SLC30A8: variants seen among roughly 807,000 people sequenced by gnomAD.
SLC30A8 encodes the protein solute carrier family 30 member 8, also known as proton-coupled zinc antiporter SLC30A8.
Under a neutral mutation model 36.9 loss-of-function variants are expected in SLC30A8, and 27 were observed. The ratio of observed to expected loss-of-function variants is 0.73; its 90% confidence interval spans 0.54 to 1.01. The LOEUF is 1.01. Among genes scored for constraint, SLC30A8 ranks in the 50% least tolerant of loss-of-function variants. SLC30A8 has a pLI of 0.00. For synonymous variants in SLC30A8, 164 were observed against 172.4 expected, an observed-to-expected ratio of 0.95 and a Z score of 0.38; for missense variants, 439 against 452.0, an observed-to-expected ratio of 0.97 and a Z score of 0.26.
chr8:117,077,044 G>A (rs2130806534), intron 2 of SLC30A8, among the ~76,000 whole-genome samples: 1 of 152,314 alleles, frequency 6.6e-6, no homozygotes. Context: ...CTACTGGAAT[G>A]TTTTTCAGTT....
chr8:116,961,920 C>T (rs996506587), intron 1 of SLC30A8, among the ~76,000 whole-genome samples: 4 of 151,872 alleles, frequency 2.6e-5, no homozygotes, highest in Non-Finnish European at 2.9e-5. Flanking sequence ...ATGACCTAAA[C>T]GCCTTCTAGG....
Position 117,015,536 on chromosome 8 carries a change from A to AC in SLC30A8, c.-265-23671dup, listed in dbSNP as rs35601596. ...AGTAATAAATTAGATGCTATTATGC[A>AC]CCCCCCCCCCCCAAAAAAAAGAGGG... On this transcript the variant is annotated intron_variant, in intron 1 of 10. Coordinates refer to the SLC30A8 transcript ENST00000427715. Among the ~76,000 whole-genome samples the AC allele has an allele frequency of 8.5e-3, 1,203 of 141,666 alleles. 7 individuals carry two copies. Among genetic ancestry groups the AC allele is most frequent in the East Asian group, 0.028 (139 of 4,956 alleles). The allele number at this position is 141,666 out of a possible 152,430, so 92.9% of individuals were successfully genotyped here. A position where few individuals can be genotyped will look rare whatever the true frequency, so the allele number is the denominator to read the frequency against.
At chr8:117,018,809 G>A (rs1443722961) in intron 1 of SLC30A8, among the ~76,000 whole-genome samples, 1 of 151,954 alleles carries the variant, frequency 6.6e-6, no homozygotes, top group Non-Finnish European at 1.5e-5. Context: ...ACAGGGGCCT[G>A]CCACCACGCC....
chr8:117,079,276 C>G (rs1818588146), intron 2 of SLC30A8, among the ~76,000 whole-genome samples: 1 of 152,116 alleles, frequency 6.6e-6, no homozygotes, highest in African/African-American at 2.4e-5. Flanking sequence ...CCCTAAAGTG[C>G]TGGGATTACA....
At chr8:117,051,753 C>T (rs1209529963) in intron 2 of SLC30A8, among the ~76,000 whole-genome samples, 1 of 151,876 alleles carries the variant, frequency 6.6e-6, no homozygotes, top group African/African-American at 2.4e-5. Context: ...GCGGAGCTTG[C>T]AGTGAGCCTA....
intron 6 of SLC30A8, 72 bp downstream of exon 6, chr8:117,163,602 A>G (rs898392264): frequency 6.4e-6 from 7 of 1,097,738 alleles, no homozygotes; most frequent in Non-Finnish European, 9.2e-6. Context: ...GGGAATGGCT[A>G]CAAGGCATGC....
chr8:117,142,736 C>T lies in SLC30A8; in HGVS notation c.72-4218C>T, dbSNP rs1344766861. Among the ~76,000 whole-genome samples the T allele has an allele frequency of 4.0e-5, 6 of 151,348 alleles. No individual in the cohort carries two copies. In the South Asian group the frequency reaches 1.0e-3, roughly 26 times the overall value. On this transcript the variant is annotated intron_variant, in intron 1 of 7. Transcript: ENST00000456015. Reference sequence around the variant, plus strand: ...CCTCCACAGCGGTGCCTTTCCTTCCCACACAATTTAAGGTAGTTCATCTTC... The same window carrying T: ...CCTCCACAGCGGTGCCTTTCCTTCCTACACAATTTAAGGTAGTTCATCTTC...
At chr8:117,067,786 C>A (rs1818213801) in intron 2 of SLC30A8, among the ~76,000 whole-genome samples, 2 of 152,062 alleles carry the variant, frequency 1.3e-5, no homozygotes, top group South Asian at 4.1e-4. Context: ...TCTTCTATAA[C>A]CTACAATAAG....
At position 117,174,040 on chromosome 8, in the gene SLC30A8, T is replaced by G. The variant is rs180847209; in HGVS notation, c.*1359T>G. The G allele has an allele frequency of 4.6e-5, 7 of 152,160 alleles. No homozygotes were observed. The highest frequency in any genetic ancestry group is 2.6e-4 in the Admixed American group (4 of 15,270). 9.4% of individuals were successfully genotyped at this position (152,160 alleles called of 1,614,324 possible). ...GAAGACTAGGCACAAGGCACACTTA[T>G]GTTTGTCTGTTAGCTTTTAGTTGAA... On this transcript the variant is annotated 3_prime_UTR_variant, in exon 8 of 8. Transcript: ENST00000456015.
chr8:117,139,616 A>G (rs1437803354), intron 1 of SLC30A8, among the ~76,000 whole-genome samples: 1 of 152,094 alleles, frequency 6.6e-6, no homozygotes, highest in East Asian at 1.9e-4. Context: ...ATTATTGAAA[A>G]CCATAGAGCA....
intron 6 of SLC30A8, among the ~76,000 whole-genome samples, chr8:117,169,806 C>T (rs1823277183): frequency 1.3e-5 from 2 of 152,050 alleles, no homozygotes; most frequent in African/African-American, 2.4e-5. Flanking sequence ...AGAACTCACT[C>T]ATCATCGCAA....
intron 2 of SLC30A8, among the ~76,000 whole-genome samples, chr8:117,112,247 G>C (rs530992999): frequency 6.6e-6 from 1 of 152,116 alleles, no homozygotes; most frequent in Admixed American, 6.6e-5. Context: ...GACCTTGAAA[G>C]ATGAGATTCC....
chr8:117,090,781 G>A (rs1368229147), intron 2 of SLC30A8, among the ~76,000 whole-genome samples: 1 of 152,152 alleles, frequency 6.6e-6, no homozygotes, highest in Non-Finnish European at 1.5e-5. Flanking sequence ...CCCTTAAGAT[G>A]TCCCATGGCA....
At chr8:117,015,212 TA>T (rs1165684921) in intron 1 of SLC30A8, among the ~76,000 whole-genome samples, 2 of 152,030 alleles carry the variant, frequency 1.3e-5, no homozygotes, top group African/African-American at 4.8e-5. Context: ...TGACTTTCTT[TA>T]TATGTTCTAC....
chr8:117,144,028 A>G (rs202003021), intron 1 of SLC30A8, among the ~76,000 whole-genome samples: 5 of 152,224 alleles, frequency 3.3e-5, no homozygotes, highest in East Asian at 1.9e-4. Flanking sequence ...AAATAAAGCA[A>G]TGCTTCATAT....
At chr8:117,124,150 G>A (rs1292031125) in intron 2 of SLC30A8, among the ~76,000 whole-genome samples, 1 of 151,966 alleles carries the variant, frequency 6.6e-6, no homozygotes, top group African/African-American at 2.4e-5. Flanking sequence ...GACTCATACA[G>A]ATTATTGTGA....
At chr8:117,045,992 A>G (rs188996062) in intron 2 of SLC30A8, among the ~76,000 whole-genome samples, 1 of 151,238 alleles carries the variant, frequency 6.6e-6, no homozygotes, top group Non-Finnish European at 1.5e-5. Flanking sequence ...CCATAGAATT[A>G]AAGCTGGCTT....
rs118156845 is a variant in SLC30A8, at chr8:117,154,152, A to G, written c.418+1062A>G. Among the ~76,000 whole-genome samples the G allele has an allele frequency of 1.7e-3, 258 of 152,238 alleles. 1 individual carries two copies. The highest frequency in any genetic ancestry group is 2.9e-3 in the Non-Finnish European group (200 of 68,022). The stretch of plus-strand genomic sequence containing the variant: ...ATGTGTAGGTTTGTTACATAGGTCA[A>G]CGTGTGCCGTCATGGTTTGCTGCAC... On this transcript the variant is annotated intron_variant, in intron 3 of 7. Transcript: ENST00000456015.
intron 1 of SLC30A8, among the ~76,000 whole-genome samples, chr8:117,035,772 C>T (rs1366796081): frequency 6.6e-6 from 1 of 152,224 alleles, no homozygotes; most frequent in Non-Finnish European, 1.5e-5. Flanking sequence ...GGTTTCCAAA[C>T]CTCAGTTCTT....
Sources: allele counts gnomAD v4.1 joint callset (sites outside exome capture counted in the v4.1 genomes callset), GRCh38; gene constraint gnomAD v4.1.1; transcripts MANE v1.5; gene names NCBI Gene and HGNC (gene_info 2026-07-23, HGNC 2026-07-21).